Variants in SPATA9 observed in about 807,000 individuals in gnomAD.
SPATA9 encodes spermatogenesis-associated protein 9.
SPATA9 carries 27 observed loss-of-function variants against 25.5 expected under a neutral mutation model. That is an observed-to-expected ratio of 1.06 (90% confidence interval 0.78 to 1.46). SPATA9 has a LOEUF of 1.46. SPATA9 is among the 40% of genes most tolerant of loss of function. SPATA9 has a pLI of 0.00. For missense variants in SPATA9, 282 were observed against 297.5 expected (o/e 0.95, Z 0.38); for synonymous variants, 102 against 105.7 (o/e 0.97, Z 0.21).
chr5:95,682,748 A>G, intron 1 of SPATA9, 46 bp downstream of exon 1: 2 of 1,525,184 alleles, frequency 1.3e-6, no homozygotes, highest in Non-Finnish European at 1.8e-6. Flanking sequence ...TCTTATTCCC[A>G]ATTGTTCCCA....
chr5:95,697,992 A>G (rs1367644517), intron 1 of SPATA9, among the ~76,000 whole-genome samples: 2 of 152,194 alleles, frequency 1.3e-5, no homozygotes, highest in Non-Finnish European at 2.9e-5. Flanking sequence ...AGAAGTGCCT[A>G]TGCCTACTAC....
chr5:95,672,461 T>C (rs1456062491), intron 3 of SPATA9, among the ~76,000 whole-genome samples: 1 of 151,952 alleles, frequency 6.6e-6, no homozygotes, highest in East Asian at 1.9e-4. Context: ...AGAGGTTTTT[T>C]TTTTTTTTTT....
At chr5:95,691,359 G>A (rs1329940072) in intron 1 of SPATA9, among the ~76,000 whole-genome samples, 3 of 151,916 alleles carry the variant, frequency 2.0e-5, no homozygotes, top group African/African-American at 4.8e-5. Flanking sequence ...TCATTGATAC[G>A]AAATACCACT....
At chr5:95,723,750 A>C in the SPATA9 span, among the ~76,000 whole-genome samples, 8 of 151,842 alleles carry the variant, frequency 5.3e-5, no homozygotes, top group Admixed American at 4.6e-4. Flanking sequence ...CTCCCTTACC[A>C]CAGTAGCCAG....
chr5:95,666,322 A>C (rs754648888), intron 3 of SPATA9, among the ~76,000 whole-genome samples: 1 of 152,166 alleles, frequency 6.6e-6, no homozygotes, highest in Non-Finnish European at 1.5e-5. Flanking sequence ...CATTACAGGG[A>C]TGGACTCTGG....
chr5:95,729,798 T>G, the SPATA9 span, among the ~76,000 whole-genome samples: 1 of 152,242 alleles, frequency 6.6e-6, no homozygotes, highest in Non-Finnish European at 1.5e-5. Flanking sequence ...CTGATTCCAC[T>G]TAGCACAAGG....
intron 1 of SPATA9, among the ~76,000 whole-genome samples, chr5:95,696,642 C>T (rs796731379): frequency 1.4e-4 from 21 of 152,218 alleles, no homozygotes; most frequent in African/African-American, 4.8e-4. Context: ...TTTGGGAGCT[C>T]GAGGCAAGAG....
At chr5:95,660,782 A>G (rs771397327) in intron 4 of SPATA9, among the ~76,000 whole-genome samples, 13 of 152,164 alleles carry the variant, frequency 8.5e-5, no homozygotes, top group South Asian at 2.1e-4. Context: ...GTATCCTTCT[A>G]TCTTTGTTTT....
At chr5:95,685,864 TCTCA>T (rs1184006252), upstream of SPATA9, among the ~76,000 whole-genome samples, 9 of 152,128 alleles carry the variant, frequency 5.9e-5, no homozygotes, top group African/African-American at 2.2e-4. Context: ...TGAGATGGAG[TCTCA>T]CTCTCTCACC....
intron 3 of SPATA9, 88 bp downstream of exon 3, chr5:95,675,324 T>A: frequency 9.3e-7 from 1 of 1,077,718 alleles, no homozygotes; most frequent in Non-Finnish European, 1.3e-6. Flanking sequence ...CACTGGACAA[T>A]CAAGTTCACC....
At chr5:95,731,000 A>G in the SPATA9 span, 1 of 631,178 alleles carries the variant, frequency 1.6e-6, no homozygotes, top group Non-Finnish European at 2.5e-6. Context: ...TCCAGTCCGG[A>G]GTGAGCGGGG....
At chr5:95,679,177 G>GGGAGA (rs1314812977) in intron 2 of SPATA9, among the ~76,000 whole-genome samples, 24 of 152,272 alleles carry the variant, frequency 1.6e-4, no homozygotes, top group African/African-American at 5.5e-4. Flanking sequence ...CAGTTTCTCT[G>GGGAGA]ATTTCAGCAA....
chr5:95,656,122 A>G (rs774103239), downstream of SPATA9: 11 of 1,613,666 alleles, frequency 6.8e-6, no homozygotes, highest in Admixed American at 1.5e-4. Context: ...GAAGGTCTGT[A>G]CCAGTCTATA....
chr5:95,720,330 A>AT, the SPATA9 span, among the ~76,000 whole-genome samples: 91,055 of 152,082 alleles, frequency 0.6, 29,736 homozygotes, highest in East Asian at 0.94. Context: ...ATTTAGATCA[A>AT]TTCACTTCCT....
chr5:95,732,090 G>A, the SPATA9 span: 1 of 1,612,642 alleles, frequency 6.2e-7, no homozygotes, highest in Non-Finnish European at 8.5e-7. Context: ...TCTGGGTAAG[G>A]AAGAGCAGCT....
At chr5:95,680,760 T>C (rs1435033593) in intron 2 of SPATA9, among the ~76,000 whole-genome samples, 1 of 152,176 alleles carries the variant, frequency 6.6e-6, no homozygotes, top group African/African-American at 2.4e-5. Flanking sequence ...TCTCTTGAGC[T>C]TCCAACCTAC....
chr5:95,705,663 TATA>T, the SPATA9 span, among the ~76,000 whole-genome samples: 1 of 152,220 alleles, frequency 6.6e-6, no homozygotes, highest in African/African-American at 2.4e-5. Context: ...AACCCAACTC[TATA>T]ATGATTATAA....
intron 3 of SPATA9, chr5:95,670,857 TAGTC>T: frequency 2.0e-6 from 2 of 985,434 alleles, no homozygotes; most frequent in Non-Finnish European, 2.4e-6. Context: ...ATTGTCCTCA[TAGTC>T]AGTTCTGTTT....
chr5:95,661,764 T>G (rs1031824110), intron 4 of SPATA9, among the ~76,000 whole-genome samples: 5 of 152,124 alleles, frequency 3.3e-5, no homozygotes, highest in Admixed American at 3.3e-4. Flanking sequence ...TCAAGGATAT[T>G]TAGCTATTCT....
Sources: gnomAD v4.1 joint callset for allele counts (sites outside exome capture counted in the v4.1 genomes callset) on GRCh38, gnomAD v4.1.1 for gene constraint, MANE v1.5 for transcripts, NCBI Gene and HGNC (gene_info 2026-07-23, HGNC 2026-07-21) for gene names.